The following DPF1 variants were observed in gnomAD, a reference collection of about 807,000 sequenced individuals.
DPF1 encodes zinc finger protein neuro-d4.
In DPF1, 14 loss-of-function variants were observed where a neutral mutation model predicts 58.7. The observed-to-expected ratio is 0.24, with a 90% CI of 0.16 to 0.37. The LOEUF (loss-of-function observed/expected upper bound fraction) is 0.37. Among genes scored for constraint, DPF1 ranks in the 10% least tolerant of loss-of-function variants. The probability of loss-of-function intolerance (pLI) is 1.00; values close to 1 mark genes in which losing one functional copy is unlikely to be tolerated. For missense variants in DPF1, 345 were observed against 529.9 expected (o/e 0.65, Z 3.43); for synonymous variants, 216 against 216.0 (o/e 1.00, Z 0.00).
chr19:38,222,478 G>T lies in DPF1; in HGVS notation c.191-14C>A, dbSNP rs377671409. 8.7e-5 allele frequency: 137 copies of T among 1,581,820 alleles called. No individual in the cohort carries two copies. The East Asian group carries it at 2.2e-3, about 26-fold the overall frequency. The stretch of plus-strand genomic sequence containing the variant: ...CCGGGGCCAAACCTGGAGAGAGAGG[G>T]GGGTGAGAGGGCGGCGGCGGTGGGG... On this transcript the variant is annotated splice_polypyrimidine_tract_variant and intron_variant, in intron 2 of 11. Coordinates refer to ENST00000355526, the MANE Select transcript of DPF1 (RefSeq NM_001135155.3). This position sits in a 1 kb window ranked among gnomAD's most constrained non-coding sequence, Gnocchi z 4.9.
At chr19:38,217,729 G>A in intron 6 of DPF1, 69 bp downstream of exon 6, 3 of 1,604,290 alleles carry the variant, frequency 1.9e-6, no homozygotes, top group East Asian at 2.2e-5. Flanking sequence ...ACGGGAGGGA[G>A]AGGGCCACGA....
chr19:38,228,463 G>A (rs1433218919), upstream of DPF1, among the ~76,000 whole-genome samples: 1 of 151,880 alleles, frequency 6.6e-6, no homozygotes, highest in Non-Finnish European at 1.5e-5. Context: ...ACGGGGTTGG[G>A]GGAAGGGTGG....
At position 38,217,441 on chromosome 19, in the gene DPF1, A is replaced by G. The variant is rs1174092472; in HGVS notation, c.727+19T>C. On this transcript the variant is annotated intron_variant, in intron 7 of 11. Transcript: ENST00000355526. ...ACTCCCAGGGCCCCTGGCCACCCCC[A>G]CCTGGCCTGCCAGCTCACGTTTATG... The G allele has an allele frequency of 9.8e-7, 1 of 1,024,894 alleles. No homozygotes were observed. The highest frequency in any genetic ancestry group is 1.2e-4 in the East Asian group (1 of 8,068). 63.5% of individuals were successfully genotyped at this position (1,024,894 alleles called of 1,614,324 possible).
chr19:38,222,804 G>A lies in DPF1; in HGVS notation c.30-96C>T, dbSNP rs1188324483. The stretch of plus-strand genomic sequence containing the variant: ...CCCGGCTGCCGGGCCGCCCAGGCTC[G>A]GGAGGGGTGGGCCGACCCCTCCAGC... On this transcript the variant is annotated intron_variant, in intron 1 of 11. Transcript: ENST00000355526. The surrounding 1 kb of genome is among the most constrained non-coding windows in gnomAD (Gnocchi z 4.9). 5 of 1,407,900 alleles carry A rather than the reference G, an allele frequency of 3.6e-6. No homozygotes were observed. The African/African-American group carries it at 7.5e-5, about 21-fold the overall frequency. The allele number at this position is 1,407,900 out of a possible 1,614,324, so 87.2% of individuals were successfully genotyped here. A position where few individuals can be genotyped will look rare whatever the true frequency, so the allele number is the denominator to read the frequency against.
Position 38,220,306 on chromosome 19 carries a change from G to GAGAA in DPF1, c.299-1252_299-1249dup, listed in dbSNP as rs968998016. Among the ~76,000 whole-genome samples, 910 of 99,858 alleles carry GAGAA rather than the reference G, an allele frequency of 9.1e-3. 8 individuals are homozygous for GAGAA. Among genetic ancestry groups the GAGAA allele is most frequent in the African/African-American group, 0.034 (825 of 24,396 alleles). The allele number at this position is 99,858 out of a possible 152,430, so 65.5% of individuals were successfully genotyped here. ...AGAAAAAGAGAGAGAGAGAAAGAAA[G>GAGAA]AGAAAGAAAGAAAGAAAGAGAAAGA... On this transcript the variant is annotated intron_variant, in intron 3 of 11. Transcript: ENST00000355526.
intron 11 of DPF1, 25 bp downstream of exon 11, chr19:38,212,237 TTCCCACCCACCCGCCCCA>T: frequency 8.0e-7 from 1 of 1,256,750 alleles, no homozygotes; most frequent in Non-Finnish European, 1.1e-6. Flanking sequence ...GGAGATGGCG[TTCCCACCCACCCGCCCCA>T]TGGGATGCCC....
rs989269978 is a variant in DPF1 at position 38,219,256 on chromosome 19, G to A, written c.299-198C>T. 34 of 695,144 alleles carry A rather than the reference G, an allele frequency of 4.9e-5. No individual in the cohort carries two copies. In the African/African-American group the frequency reaches 6.1e-4, roughly 13 times the overall value. The allele number at this position is 695,144 out of a possible 1,614,324, so 43.1% of individuals were successfully genotyped here. A position where few individuals can be genotyped will look rare whatever the true frequency, so the allele number is the denominator to read the frequency against. ...CTCAGATGCCCTGGGATGCACAGCA[G>A]GAGACACGGTCAGAACTTTGGATAC... On this transcript the variant is annotated intron_variant, in intron 3 of 11. Transcript: ENST00000355526.
rs923915612 is a variant in DPF1 at position 38,229,457 on chromosome 19, C to T, written c.-132+102G>A. 15 of 578,028 alleles carry T rather than the reference C, an allele frequency of 2.6e-5. No homozygotes were observed. Among genetic ancestry groups the T allele is most frequent in the Admixed American group, 6.2e-5 (1 of 16,066 alleles). 35.8% of individuals were successfully genotyped at this position (578,028 alleles called of 1,614,324 possible). A position where few individuals can be genotyped will look rare whatever the true frequency, so the allele number is the denominator to read the frequency against. ...CGCGCTGGGGGCCCCCATTCAACTACGGTCCGCGCGCTGCGTCCCCCTCCT... is the reference window on the plus strand; with the variant it reads ...CGCGCTGGGGGCCCCCATTCAACTATGGTCCGCGCGCTGCGTCCCCCTCCT... On this transcript the variant is annotated intron_variant, in intron 1 of 11. Transcript: ENST00000412732. This position sits in a 1 kb window ranked among gnomAD's most constrained non-coding sequence, Gnocchi z 5.3.
Position 38,212,027 on chromosome 19 carries a change from G to T in DPF1, c.*36C>A, listed in dbSNP as rs373154952. 3 of 1,597,050 alleles carry T rather than the reference G, an allele frequency of 1.9e-6. No homozygotes were observed. Among genetic ancestry groups the T allele is most frequent in the South Asian group, 1.1e-5 (1 of 88,436 alleles). On this transcript the variant is annotated 3_prime_UTR_variant, in exon 12 of 12. Coordinates refer to ENST00000355526, the MANE Select transcript of DPF1 (RefSeq NM_001135155.3). ...GAGGAGCTCGGAGAGGCAGGTAGGC[G>T]AGCACCACCCCAGAGTCGCGGCGAG...
chr19:38,222,781 C>T lies in DPF1; in HGVS notation c.30-73G>A, dbSNP rs551244065. On this transcript the variant is annotated intron_variant, in intron 1 of 11. Transcript: ENST00000355526. The surrounding 1 kb of genome is among the most constrained non-coding windows in gnomAD (Gnocchi z 4.9). ...ACAGGGTCGCCCAGCACCCCTTCCC[C>T]GGCTGCCGGGCCGCCCAGGCTCGGG... 1.6e-4 allele frequency: 234 copies of T among 1,432,530 alleles called. No individual in the cohort carries two copies. The African/African-American group carries it at 2.9e-3, about 18-fold the overall frequency. The allele number at this position is 1,432,530 out of a possible 1,614,324, so 88.7% of individuals were successfully genotyped here.
In DPF1 at chr19:38,222,457, G is replaced by A. The variant is rs753784201; in HGVS notation, c.198C>T (p.Ala66=). Residue 66 remains alanine (A), a synonymous_variant, in exon 3 of 12, where the codon GCC becomes GCT. Coordinates refer to ENST00000355526, the MANE Select transcript of DPF1 (RefSeq NM_001135155.3). This position sits in a 1 kb window ranked among gnomAD's most constrained non-coding sequence, Gnocchi z 4.9. ...CGGGGTACGTGTAAATCTGTCCCGGGGCCAAACCTGGAGAGAGAGGGGGGT... is the reference window on the plus strand; with the variant it reads ...CGGGGTACGTGTAAATCTGTCCCGGAGCCAAACCTGGAGAGAGAGGGGGGT... ...MEKTHRGPGL[A]PGQIYTYPAR... is the part of the protein sequence containing the mutation. 6.3e-7 allele frequency: 1 copy of A among 1,583,540 alleles called. No individual in the cohort carries two copies.
At position 38,213,643 on chromosome 19, in the gene DPF1, C is replaced by T; in HGVS notation, c.1011+1G>A. 6.2e-7 allele frequency: 1 copy of T among 1,611,990 alleles called. No individual in the cohort carries two copies. Among genetic ancestry groups the T allele is most frequent in the Non-Finnish European group, 8.5e-7 (1 of 1,178,610 alleles). ...GCACGCGGGGGGCGGGCGGCACTCA[C>T]GTCGTTCTCGGAGGTTCCGCACAGG... On this transcript the variant is annotated splice_donor_variant, in intron 10 of 11. Coordinates refer to ENST00000355526, the MANE Select transcript of DPF1 (RefSeq NM_001135155.3). LOFTEE classifies it high-confidence loss of function.
At chr19:38,221,964 C>G (rs959609175) in intron 3 of DPF1, among the ~76,000 whole-genome samples, 2 of 152,024 alleles carry the variant, frequency 1.3e-5, no homozygotes, top group African/African-American at 4.8e-5. Context: ...GCCTGTAATC[C>G]CAGCTACTCG....
intron 7 of DPF1, 131 bp from the exon 8 acceptor site, chr19:38,216,534 G>C (rs895401975): frequency 2.7e-6 from 3 of 1,094,494 alleles, no homozygotes; most frequent in Admixed American, 3.3e-5. Context: ...GCTACCCCAA[G>C]CTGTGGGGAG....
chr19:38,219,802 A>G (rs906338148), intron 3 of DPF1: 1 of 152,338 alleles, frequency 6.6e-6, no homozygotes, highest in African/African-American at 2.4e-5. Flanking sequence ...TAGAGACTCA[A>G]AGAGGTATAG....
intron 3 of DPF1, chr19:38,219,368 C>G (rs1317301999): frequency 2.6e-6 from 1 of 384,576 alleles, no homozygotes; most frequent in Admixed American, 4.1e-5. Flanking sequence ...TCAAACATAC[C>G]CAGACAAATA....
chr19:38,213,536 T>TG, intron 10 of DPF1, 108 bp downstream of exon 10: 3 of 877,792 alleles, frequency 3.4e-6, no homozygotes, highest in Non-Finnish European at 1.8e-6. Flanking sequence ...CACAGGGGAC[T>TG]GGTGTTCACC....
chr19:38,219,418 C>T (rs557417488), intron 3 of DPF1: 26 of 239,898 alleles, frequency 1.1e-4, no homozygotes, highest in African/African-American at 5.4e-4. Flanking sequence ...CACAGGGACA[C>T]CCGCAGGGGA....
intron 1 of DPF1, chr19:38,223,609 A>C (rs1342891127): frequency 6.6e-6 from 1 of 152,664 alleles, no homozygotes; most frequent in Non-Finnish European, 1.5e-5. Flanking sequence ...GACAAATGAC[A>C]TATAGTTCCA....
Sources: allele counts gnomAD v4.1 joint callset (sites outside exome capture counted in the v4.1 genomes callset), GRCh38; gene constraint gnomAD v4.1.1; non-coding constraint Gnocchi (gnomAD v3.1); transcripts MANE v1.5; gene names NCBI Gene and HGNC (gene_info 2026-07-23, HGNC 2026-07-21).